The following TSPAN14 variants were observed in gnomAD, a reference collection of about 807,000 sequenced individuals.
TSPAN14 encodes the protein tetraspanin-14.
In TSPAN14, 16 loss-of-function variants were observed where a neutral mutation model predicts 36.6. That is an observed-to-expected ratio of 0.44 (90% confidence interval 0.30 to 0.66). The LOEUF (loss-of-function observed/expected upper bound fraction) is 0.66. TSPAN14 is among the 30% of genes least tolerant of loss of function. TSPAN14 has a pLI of 0.12. For missense variants in TSPAN14, 231 were observed against 355.1 expected, an observed-to-expected ratio of 0.65 and a Z score of 2.81; for synonymous variants, 139 against 143.8, an observed-to-expected ratio of 0.97 and a Z score of 0.24.
chr10:80,455,873 G>A (rs376348470), intron 1 of TSPAN14, among the ~76,000 whole-genome samples: 18 of 152,142 alleles, frequency 1.2e-4, no homozygotes, highest in African/African-American at 3.9e-4. Flanking sequence ...GCCACCACGC[G>A]CAGTCTGATC....
In TSPAN14 at chr10:80,504,791, G is replaced by A. The variant is rs1389711727; in HGVS notation, c.132+13G>A. On this transcript the variant is annotated intron_variant, in intron 3 of 8. Transcript: ENST00000429989. ...ATGGAGCGAAAAGGTAGGTGTAACT[G>A]TCGCAGGACACTGAGCTTCAGGCAG... is the stretch of plus-strand genomic sequence containing the variant. 1.9e-6 allele frequency: 3 copies of A among 1,614,096 alleles called. No homozygotes were observed. Among genetic ancestry groups the A allele is most frequent in the Non-Finnish European group, 2.5e-6 (3 of 1,180,024 alleles).
intron 1 of TSPAN14, among the ~76,000 whole-genome samples, chr10:80,469,039 T>G (rs917909723): frequency 6.6e-6 from 1 of 152,142 alleles, no homozygotes; most frequent in African/African-American, 2.4e-5. Flanking sequence ...CCTCTGGGTG[T>G]GCAGTGCACA....
At chr10:80,499,973 GGCAGCCAGGGCTCACA>G (rs2132032873) in intron 2 of TSPAN14, among the ~76,000 whole-genome samples, 1 of 152,338 alleles carries the variant, frequency 6.6e-6, no homozygotes, top group South Asian at 2.1e-4. Context: ...CCAGAAGATT[GGCAGCCAGGGCTCACA>G]GCAGCCAGGG....
chr10:80,454,888 T>C (rs1192509194), intron 1 of TSPAN14, among the ~76,000 whole-genome samples: 1 of 152,104 alleles, frequency 6.6e-6, no homozygotes, highest in East Asian at 1.9e-4. Flanking sequence ...CCCTTCCTCC[T>C]GCCCCGCCGT....
At chr10:80,494,045 A>G (rs1288539688) in intron 2 of TSPAN14, among the ~76,000 whole-genome samples, 1 of 152,192 alleles carries the variant, frequency 6.6e-6, no homozygotes, top group Non-Finnish European at 1.5e-5. Flanking sequence ...TGCTTCAGAG[A>G]TGGATTAAAA....
chr10:80,486,071 A>T (rs1847579109), intron 1 of TSPAN14, among the ~76,000 whole-genome samples: 2 of 152,092 alleles, frequency 1.3e-5, no homozygotes, highest in Non-Finnish European at 2.9e-5. Context: ...TGATGTTACC[A>T]GGGGGGAAGT....
At chr10:80,478,178 A>G (rs1847032339) in intron 1 of TSPAN14, among the ~76,000 whole-genome samples, 2 of 152,268 alleles carry the variant, frequency 1.3e-5, no homozygotes, top group Admixed American at 6.5e-5. Flanking sequence ...TATCCATGAA[A>G]TAAGAACAGG....
intron 2 of TSPAN14, among the ~76,000 whole-genome samples, chr10:80,491,325 C>T (rs1272373327): frequency 6.6e-6 from 1 of 152,144 alleles, no homozygotes; most frequent in East Asian, 1.9e-4. Flanking sequence ...AGCATTGTTC[C>T]CTGTCTGGAG....
chr10:80,501,271 A>AT (rs1388220225), intron 2 of TSPAN14, among the ~76,000 whole-genome samples: 1 of 142,118 alleles, frequency 7.0e-6, no homozygotes, highest in Non-Finnish European at 1.5e-5. Context: ...TTTACAGCTA[A>AT]TTTTTTTAGA....
intron 1 of TSPAN14, among the ~76,000 whole-genome samples, chr10:80,474,770 C>G (rs971358364): frequency 6.6e-6 from 1 of 152,048 alleles, no homozygotes; most frequent in African/African-American, 2.4e-5. Flanking sequence ...TTGAGCCTGG[C>G]CTTCCCAAAT....
chr10:80,481,276 C>T (rs1360007281), intron 1 of TSPAN14, among the ~76,000 whole-genome samples: 3 of 151,996 alleles, frequency 2.0e-5, no homozygotes, highest in Non-Finnish European at 4.4e-5. Flanking sequence ...GAAGGATCTC[C>T]GAAGGCCCCA....
chr10:80,462,327 C>G (rs1589233163), intron 1 of TSPAN14, among the ~76,000 whole-genome samples: 1 of 104,920 alleles, frequency 9.5e-6, no homozygotes. Flanking sequence ...TCTGTCCGCC[C>G]TGGTGGCCTA....
intron 1 of TSPAN14, among the ~76,000 whole-genome samples, chr10:80,463,983 C>A (rs544881444): frequency 6.6e-6 from 1 of 152,210 alleles, no homozygotes; most frequent in African/African-American, 2.4e-5. Flanking sequence ...CTTGGCTGGC[C>A]CTCTGGCTCA....
chr10:80,513,847 T>G (rs574109269), intron 6 of TSPAN14, among the ~76,000 whole-genome samples, 172 bp from the exon 7 acceptor site: 15 of 152,334 alleles, frequency 9.8e-5, no homozygotes, highest in African/African-American at 3.1e-4. Context: ...ACAGAGAAAG[T>G]TTGCCACCCT....
intron 6 of TSPAN14, 68 bp from the exon 7 acceptor site, chr10:80,513,951 T>C: frequency 7.1e-7 from 1 of 1,406,426 alleles, no homozygotes; most frequent in Non-Finnish European, 1.0e-6. Flanking sequence ...GTTGTGACTT[T>C]ACTAGAGCCT....
At position 80,464,883 on chromosome 10, in the gene TSPAN14, A is replaced by G. The variant is rs139654892; in HGVS notation, c.-18+10512A>G. Reference sequence around the variant, plus strand: ...TTTGGGGGAAGGGTGGGAGGGAACTAGAGAAGGAGGAGAGTGGGAGAGGGA... The same window carrying G: ...TTTGGGGGAAGGGTGGGAGGGAACTGGAGAAGGAGGAGAGTGGGAGAGGGA... On this transcript the variant is annotated intron_variant, in intron 1 of 8. Coordinates refer to ENST00000429989, the Ensembl canonical transcript of TSPAN14. 2.2e-3 allele frequency among the ~76,000 whole-genome samples: 337 copies of G among 152,272 alleles called. 2 individuals are homozygous for G. Among genetic ancestry groups the G allele is most frequent in the African/African-American group, 7.7e-3 (321 of 41,560 alleles).
At chr10:80,462,693 G>T (rs1375952672) in intron 1 of TSPAN14, among the ~76,000 whole-genome samples, 1 of 152,208 alleles carries the variant, frequency 6.6e-6, no homozygotes, top group African/African-American at 2.4e-5. Context: ...CCATTTTGCA[G>T]CTTCCATTTC....
Position 80,509,393 on chromosome 10 carries a change from G to C in TSPAN14, c.372G>C (p.Arg124=). ...AGGACTGGGTGAGGGACCGGTTCCG[G>C]GAGTTCTTCGAGAGCAACATCAAGT... The change falls in exon 5 of 9, where the codon CGG becomes CGC. Residue 124 remains arginine (R), a synonymous_variant. Coordinates refer to ENST00000429989, the Ensembl canonical transcript of TSPAN14. The surrounding 1 kb of genome is among the most constrained non-coding windows in gnomAD (Gnocchi z 4.7). The C allele has an allele frequency of 6.2e-7, 1 of 1,614,170 alleles. No homozygotes were observed. Among genetic ancestry groups the C allele is most frequent in the Non-Finnish European group, 8.5e-7 (1 of 1,180,024 alleles).
chr10:80,493,172 AC>A (rs1306618805), intron 2 of TSPAN14, among the ~76,000 whole-genome samples: 1 of 152,160 alleles, frequency 6.6e-6, no homozygotes, highest in East Asian at 1.9e-4. Context: ...TCTCACTTTG[AC>A]TTAGGAAATG....
Sources: allele counts gnomAD v4.1 joint callset (sites outside exome capture counted in the v4.1 genomes callset), GRCh38; gene constraint gnomAD v4.1.1; non-coding constraint Gnocchi (gnomAD v3.1); transcripts MANE v1.5; gene names NCBI Gene and HGNC (gene_info 2026-07-23, HGNC 2026-07-21).